The following RBFOX3 variants were observed in gnomAD, a reference collection of about 807,000 sequenced individuals.
The protein encoded by RBFOX3 is RNA binding protein fox-1 homolog 3.
RBFOX3 carries 17 observed loss-of-function variants against 48.7 expected under a neutral mutation model. That is an observed-to-expected ratio of 0.35 (90% CI 0.24 to 0.52). The LOEUF (loss-of-function observed/expected upper bound fraction) is 0.52. Ranked by LOEUF, RBFOX3 falls within the 20% of genes least tolerant of loss-of-function variation. The probability of loss-of-function intolerance (pLI) is 0.94; values close to 1 mark genes in which losing one functional copy is unlikely to be tolerated. For synonymous variants in RBFOX3, 212 were observed against 209.5 expected, an observed-to-expected ratio of 1.01 and a Z score of -0.10; for missense variants, 382 against 497.5, an observed-to-expected ratio of 0.77 and a Z score of 2.21.
the RBFOX3 span, among the ~76,000 whole-genome samples, chr17:79,658,717 C>T: frequency 7.9e-5 from 12 of 152,174 alleles, no homozygotes; most frequent in African/African-American, 2.4e-4. Flanking sequence ...GGCACAGCAC[C>T]GAGTGCTGCA....
At chr17:79,591,348 G>A (rs2093410610) in intron 1 of RBFOX3, among the ~76,000 whole-genome samples, 1 of 152,166 alleles carries the variant, frequency 6.6e-6, no homozygotes. Flanking sequence ...CAGCCACGCT[G>A]CCACTCTAGA....
chr17:79,519,116 A>C lies in RBFOX3; in HGVS notation c.-319-36518T>G, dbSNP rs1053388231. 4.1e-4 allele frequency among the ~76,000 whole-genome samples: 62 copies of C among 152,326 alleles called. 1 individual carries two copies. Among genetic ancestry groups the C allele is most frequent in the Middle Eastern group, 6.8e-3 (2 of 294 alleles). ...CAGATGCTCCGGAGGTAAACCAAGG[A>C]GCTGGGGAAGCCCGAGCTTTGAACT... On this transcript the variant is annotated intron_variant, in intron 1 of 14. Coordinates refer to ENST00000693108, the MANE Select transcript of RBFOX3 (RefSeq NM_001350451.2).
chr17:79,141,985 G>A (rs1042438222), intron 4 of RBFOX3, among the ~76,000 whole-genome samples: 6 of 152,216 alleles, frequency 3.9e-5, no homozygotes, highest in African/African-American at 9.6e-5. Flanking sequence ...AGGAGGAGAC[G>A]GGGCGGGGCC....
chr17:79,292,814 T>C (rs909840772), intron 3 of RBFOX3, among the ~76,000 whole-genome samples: 2 of 126,472 alleles, frequency 1.6e-5, no homozygotes, highest in Non-Finnish European at 3.3e-5. Context: ...AAACTGCATT[T>C]GGGGGAAAAA....
At chr17:79,445,930 TG>T (rs1357058190) in intron 2 of RBFOX3, among the ~76,000 whole-genome samples, 5 of 152,310 alleles carry the variant, frequency 3.3e-5, no homozygotes, top group Admixed American at 6.5e-5. Flanking sequence ...GGCCATTTGG[TG>T]GTGCCTGCAG....
rs1431485355 is a variant in RBFOX3, at chr17:79,477,407, T to A, written c.-175+5047A>T. Among the ~76,000 whole-genome samples, 6 of 151,270 alleles carry A rather than the reference T, an allele frequency of 4.0e-5. No individual in the cohort carries two copies. Among genetic ancestry groups the A allele is most frequent in the Non-Finnish European group, 7.4e-5 (5 of 67,842 alleles). ...CCGTCTCTACTAAAAATACAAAACATTAGCCAGACGTGGTGGCGGGCGCCT... is the reference window on the plus strand; with the variant it reads ...CCGTCTCTACTAAAAATACAAAACAATAGCCAGACGTGGTGGCGGGCGCCT... On this transcript the variant is annotated intron_variant, in intron 2 of 14. Coordinates refer to ENST00000693108, the MANE Select transcript of RBFOX3 (RefSeq NM_001350451.2). This position sits in a 1 kb window ranked among gnomAD's most constrained non-coding sequence, Gnocchi z 4.8.
chr17:79,400,056 A>G (rs772421288), intron 2 of RBFOX3, among the ~76,000 whole-genome samples: 8 of 152,106 alleles, frequency 5.3e-5, no homozygotes, highest in Non-Finnish European at 8.8e-5. Flanking sequence ...GACACTTCCA[A>G]CACTGCCCCT....
At position 79,198,535 on chromosome 17, in the gene RBFOX3, CAG is replaced by C. The variant is rs914321205; in HGVS notation, c.-34+37229_-34+37230del. On this transcript the variant is annotated intron_variant, in intron 4 of 14. Transcript: ENST00000693108. The surrounding 1 kb of genome is among the most constrained non-coding windows in gnomAD (Gnocchi z 8.2). ...GGAGACTGAGGCTTGGAGAAGTTCA[CAG>C]ACTTTCCAGGATGTATTGCCCATGC... 6.6e-6 allele frequency among the ~76,000 whole-genome samples: 1 copy of C among 152,198 alleles called. No individual in the cohort carries two copies. The highest frequency in any genetic ancestry group is 2.4e-5 in the African/African-American group (1 of 41,444).
At chr17:79,406,316 C>T (rs941748119) in intron 2 of RBFOX3, among the ~76,000 whole-genome samples, 1 of 152,202 alleles carries the variant, frequency 6.6e-6, no homozygotes, top group Non-Finnish European at 1.5e-5. Flanking sequence ...CTGCTTCAGC[C>T]CCAAAATTCT....
chr17:79,172,626 G>C (rs1464191009), intron 4 of RBFOX3, among the ~76,000 whole-genome samples: 2 of 152,198 alleles, frequency 1.3e-5, no homozygotes, highest in African/African-American at 4.8e-5. Flanking sequence ...GGGAGTATCA[G>C]AGCCCTAGAG....
chr17:79,552,980 A>G (rs2091295284), intron 1 of RBFOX3, among the ~76,000 whole-genome samples: 1 of 152,110 alleles, frequency 6.6e-6, no homozygotes, highest in Non-Finnish European at 1.5e-5. Context: ...CTCCTTTCCA[A>G]TATTTATTCT....
At chr17:79,372,931 G>T (rs1244858411) in intron 2 of RBFOX3, among the ~76,000 whole-genome samples, 1 of 152,192 alleles carries the variant, frequency 6.6e-6, no homozygotes, top group African/African-American at 2.4e-5. Context: ...AGGGCAGAAG[G>T]TGGGCGGGGA....
intron 2 of RBFOX3, among the ~76,000 whole-genome samples, chr17:79,377,390 CACACACACTCAT>C (rs112502794): frequency 3.5e-5 from 5 of 141,536 alleles, no homozygotes; most frequent in South Asian, 2.7e-4. Context: ...CATGTGGAGA[CACACACACTCAT>C]ACACACACAG....
chr17:79,478,578 G>T (rs1309390308), intron 2 of RBFOX3, among the ~76,000 whole-genome samples: 1 of 152,216 alleles, frequency 6.6e-6, no homozygotes, highest in Non-Finnish European at 1.5e-5. Flanking sequence ...ACATTCCTTG[G>T]CTCCTCTGTG....
intron 2 of RBFOX3, among the ~76,000 whole-genome samples, chr17:79,450,389 T>TCC (rs1555740827): frequency 1.3e-5 from 2 of 152,052 alleles, no homozygotes; most frequent in African/African-American, 4.8e-5. Context: ...TAGGAGCACC[T>TCC]CCCTACAGAT....
chr17:79,299,484 G>A lies in RBFOX3; in HGVS notation c.-74+8240C>T, dbSNP rs548721721. Reference sequence around the variant, plus strand: ...AAAATACAGTGTCATTGCTATTTTCGTGGCATCTACATTGTATGAGGCCTT... The same window carrying A: ...AAAATACAGTGTCATTGCTATTTTCATGGCATCTACATTGTATGAGGCCTT... On this transcript the variant is annotated intron_variant, in intron 3 of 14. Transcript: ENST00000693108. This position sits in a 1 kb window ranked among gnomAD's most constrained non-coding sequence, Gnocchi z 4.5. Among the ~76,000 whole-genome samples, 6 of 152,278 alleles carry A rather than the reference G, an allele frequency of 3.9e-5. No individual in the cohort carries two copies. Among genetic ancestry groups the A allele is most frequent in the South Asian group, 4.1e-4 (2 of 4,824 alleles).
chr17:79,499,101 C>T (rs2082032574), intron 1 of RBFOX3, among the ~76,000 whole-genome samples: 1 of 151,546 alleles, frequency 6.6e-6, no homozygotes, highest in Admixed American at 6.6e-5. Flanking sequence ...TCTACTCACT[C>T]ATCTATCCAC....
chr17:79,540,108 G>C (rs1328665066), intron 1 of RBFOX3, among the ~76,000 whole-genome samples: 1 of 152,190 alleles, frequency 6.6e-6, no homozygotes, highest in Non-Finnish European at 1.5e-5. Flanking sequence ...GCTGTGTCCA[G>C]GGTGATATTT....
chr17:79,268,081 C>G (rs2067020465), intron 3 of RBFOX3, among the ~76,000 whole-genome samples: 1 of 152,200 alleles, frequency 6.6e-6, no homozygotes, highest in Non-Finnish European at 1.5e-5. Flanking sequence ...TCCGCATCAT[C>G]CGTTGTCTCT....
Sources: gnomAD v4.1 joint callset for allele counts (sites outside exome capture counted in the v4.1 genomes callset) on GRCh38, gnomAD v4.1.1 for gene constraint, Gnocchi (gnomAD v3.1) non-coding constraint, MANE v1.5 for transcripts, NCBI Gene and HGNC (gene_info 2026-07-23, HGNC 2026-07-21) for gene names.